The following PRKN variants were observed in gnomAD, a reference collection of about 807,000 sequenced individuals.
The protein encoded by PRKN is parkin RBR E3 ubiquitin protein ligase, also known as E3 ubiquitin-protein ligase parkin.
PRKN carries 56 observed loss-of-function variants against 59.5 expected under a neutral mutation model. That is an observed-to-expected ratio of 0.94 (90% CI 0.76 to 1.18). The LOEUF (loss-of-function observed/expected upper bound fraction) is 1.18, where lower values mean the gene tolerates loss of function less well. PRKN is among the 50% of genes most tolerant of loss of function. The pLI is 0.00. For synonymous variants in PRKN, 250 were observed against 222.1 expected (o/e 1.13, Z -1.12); for missense variants, 657 against 596.4 (o/e 1.10, Z -1.06).
At chr6:162,160,890 C>CAAAAAAAA (rs56320816) in intron 4 of PRKN, among the ~76,000 whole-genome samples, 24 of 80,276 alleles carry the variant, frequency 3.0e-4, no homozygotes, top group African/African-American at 1.1e-3. Context: ...GACTCCGTCT[C>CAAAAAAAA]AAAAAAAAAA....
chr6:161,478,022 T>C (rs1791195912), intron 9 of PRKN, among the ~76,000 whole-genome samples: 1 of 152,244 alleles, frequency 6.6e-6, no homozygotes, highest in African/African-American at 2.4e-5. Context: ...CAAGGAGCAG[T>C]TGCAATGTGT....
At chr6:161,746,171 T>C (rs2128193001) in intron 7 of PRKN, among the ~76,000 whole-genome samples, 1 of 152,282 alleles carries the variant, frequency 6.6e-6, no homozygotes, top group South Asian at 2.1e-4. Flanking sequence ...TTTCCTAAAG[T>C]GAAACTAAGA....
intron 6 of PRKN, among the ~76,000 whole-genome samples, chr6:161,802,591 C>T (rs1258518690): frequency 6.6e-6 from 1 of 152,170 alleles, no homozygotes; most frequent in Non-Finnish European, 1.5e-5. Flanking sequence ...TCACACCCTG[C>T]CCTCCTGCAG....
At position 161,680,781 on chromosome 6, in the gene PRKN, T is replaced by TTG. The variant is rs1554292301; in HGVS notation, c.871+104990_871+104991insCA. Among the ~76,000 whole-genome samples the TTG allele has an allele frequency of 1.9e-3, 177 of 93,754 alleles. 3 individuals carry two copies. The highest frequency in any genetic ancestry group is 8.3e-3 in the East Asian group (23 of 2,772). 61.5% of individuals were successfully genotyped at this position (93,754 alleles called of 152,430 possible). ...TATATATATATATATATATATTTTTTTTTTTTTTTCTTTTCCTAAAACAAC... is the reference window on the plus strand; with the variant it reads ...TATATATATATATATATATATTTTTTTGTTTTTTTTTCTTTTCCTAAAACAAC... On this transcript the variant is annotated intron_variant, in intron 7 of 11. Transcript: ENST00000366898.
At chr6:162,115,740 T>A (rs1780644508) in intron 4 of PRKN, among the ~76,000 whole-genome samples, 1 of 152,068 alleles carries the variant, frequency 6.6e-6, no homozygotes, top group African/African-American at 2.4e-5. Context: ...TGGGTCAAGA[T>A]GGCTTCTGGA....
chr6:161,511,243 C>G (rs892943839), intron 9 of PRKN, among the ~76,000 whole-genome samples: 2 of 152,114 alleles, frequency 1.3e-5, no homozygotes, highest in African/African-American at 4.8e-5. Context: ...AGGAGCAGTT[C>G]AATTTGTCAG....
intron 5 of PRKN, among the ~76,000 whole-genome samples, chr6:162,023,802 C>T (rs1447279627): frequency 1.3e-5 from 2 of 152,100 alleles, no homozygotes; most frequent in Non-Finnish European, 2.9e-5. Flanking sequence ...CCTCCTTTAC[C>T]CAGCACTTCC....
chr6:162,435,034 G>T (rs1789706451), intron 2 of PRKN, among the ~76,000 whole-genome samples: 1 of 152,168 alleles, frequency 6.6e-6, no homozygotes, highest in African/African-American at 2.4e-5. Flanking sequence ...GATAACATCA[G>T]GTCAATTGGA....
At chr6:161,704,911 T>C (rs973243516) in intron 7 of PRKN, among the ~76,000 whole-genome samples, 1 of 152,208 alleles carries the variant, frequency 6.6e-6, no homozygotes, top group Non-Finnish European at 1.5e-5. Flanking sequence ...TGCTTTAGAA[T>C]CTACAGGGGA....
At chr6:162,578,451 T>C (rs1371755060) in intron 1 of PRKN, among the ~76,000 whole-genome samples, 1 of 152,214 alleles carries the variant, frequency 6.6e-6, no homozygotes, top group Non-Finnish European at 1.5e-5. Flanking sequence ...TAAATGTTTC[T>C]AGATCTCATA....
At chr6:162,031,327 T>C (rs953283207) in intron 5 of PRKN, among the ~76,000 whole-genome samples, 4 of 151,994 alleles carry the variant, frequency 2.6e-5, no homozygotes, top group African/African-American at 9.7e-5. Context: ...GCCCAGAGTG[T>C]CCATCTGCTG....
intron 6 of PRKN, among the ~76,000 whole-genome samples, chr6:161,946,201 A>G (rs1016279980): frequency 6.6e-6 from 1 of 152,172 alleles, no homozygotes. Context: ...TTTTTAGAAT[A>G]AATAGCGTAC....
At position 161,576,028 on chromosome 6, in the gene PRKN, G is replaced by A. The variant is rs1781117728; in HGVS notation, c.872-6612C>T. On this transcript the variant is annotated intron_variant, in intron 7 of 11. Transcript: ENST00000366898. This position sits in a 1 kb window ranked among gnomAD's most constrained non-coding sequence, Gnocchi z 4.6. ...AGTGAAGGAATCCAGTGGGCGGCTTGCTACTCCAGCTAAGCCAGGTTGATT... is the reference window on the plus strand; with the variant it reads ...AGTGAAGGAATCCAGTGGGCGGCTTACTACTCCAGCTAAGCCAGGTTGATT... Among the ~76,000 whole-genome samples, 1 of 152,148 alleles carries A rather than the reference G, an allele frequency of 6.6e-6. No homozygotes were observed. The highest frequency in any genetic ancestry group is 2.4e-5 in the African/African-American group (1 of 41,432).
At chr6:162,708,582 C>T (rs766652262) in intron 1 of PRKN, among the ~76,000 whole-genome samples, 26 of 152,158 alleles carry the variant, frequency 1.7e-4, no homozygotes, top group Non-Finnish European at 3.2e-4. Flanking sequence ...ATTGATTAGC[C>T]TCTTTCTCTT....
intron 3 of PRKN, among the ~76,000 whole-genome samples, chr6:162,250,145 T>C (rs1779367071): frequency 6.7e-6 from 1 of 148,432 alleles, no homozygotes; most frequent in East Asian, 2.0e-4. Flanking sequence ...CAAGACTCCG[T>C]CTCAAAAACA....
At chr6:161,945,987 C>A (rs1390952581) in intron 6 of PRKN, among the ~76,000 whole-genome samples, 3 of 152,066 alleles carry the variant, frequency 2.0e-5, no homozygotes, top group Non-Finnish European at 4.4e-5. Context: ...ATGAGAACTT[C>A]CTTAGGGTAA....
intron 4 of PRKN, among the ~76,000 whole-genome samples, chr6:162,117,912 C>T (rs533299521): frequency 9.9e-5 from 15 of 151,914 alleles, no homozygotes; most frequent in South Asian, 2.1e-4. Context: ...GCCTGGCCAA[C>T]GTGGGGAAAC....
intron 2 of PRKN, among the ~76,000 whole-genome samples, chr6:162,291,054 A>G (rs1406270446): frequency 1.3e-5 from 2 of 152,178 alleles, no homozygotes; most frequent in Non-Finnish European, 2.9e-5. Flanking sequence ...TGATTTTCCT[A>G]AACATAGCAG....
rs571853261 is a variant in PRKN, at chr6:162,520,467, C to A, written c.8-76994G>T. ...CCCAACTCCTCTCTGTCCACCAGTT[C>A]CCTCTTGCCCAAGTGCTGCTATTCT... On this transcript the variant is annotated intron_variant, in intron 1 of 11. Coordinates refer to ENST00000366898, the MANE Select transcript of PRKN (RefSeq NM_004562.3). 2.6e-5 allele frequency among the ~76,000 whole-genome samples: 4 copies of A among 152,260 alleles called. No individual in the cohort carries two copies. The South Asian group carries it at 8.3e-4, about 32-fold the overall frequency.
Sources: gnomAD v4.1 joint callset for allele counts (sites outside exome capture counted in the v4.1 genomes callset) on GRCh38, gnomAD v4.1.1 for gene constraint, Gnocchi (gnomAD v3.1) non-coding constraint, MANE v1.5 for transcripts, NCBI Gene and HGNC (gene_info 2026-07-23, HGNC 2026-07-21) for gene names.